PDZD2: variants seen among roughly 807,000 people sequenced by gnomAD.
PDZD2 encodes the protein PDZ domain containing 2.
Under a neutral mutation model 220.7 loss-of-function variants are expected in PDZD2, and 90 were observed. The observed-to-expected ratio is 0.41, with a 90% CI of 0.34 to 0.49. The LOEUF is 0.49. Ranked by LOEUF, PDZD2 falls within the 20% of genes least tolerant of loss-of-function variation. PDZD2 has a pLI of 0.28. For synonymous variants in PDZD2, 1,375 were observed against 1,450.5 expected (o/e 0.95, Z 1.18); for missense variants, 3,174 against 3,608.5 (o/e 0.88, Z 3.08).
chr5:32,041,474 C>G (rs1027047305), intron 7 of PDZD2, among the ~76,000 whole-genome samples: 1 of 152,050 alleles, frequency 6.6e-6, no homozygotes, highest in Non-Finnish European at 1.5e-5. Flanking sequence ...ACATAGGAGA[C>G]TCCATTTTGT....
intron 1 of PDZD2, among the ~76,000 whole-genome samples, chr5:31,773,484 C>CAAAA (rs56843716): frequency 1.6e-4 from 18 of 111,474 alleles, no homozygotes; most frequent in African/African-American, 4.8e-4. Flanking sequence ...ACTAAAAATA[C>CAAAA]AAAAAAAAAA....
chr5:31,941,758 C>T (rs1746232900), intron 2 of PDZD2, among the ~76,000 whole-genome samples: 1 of 152,196 alleles, frequency 6.6e-6, no homozygotes, highest in South Asian at 2.1e-4. Context: ...TCTAATTAGA[C>T]ATTTGTAACG....
chr5:31,748,346 T>C (rs1373077650), intron 1 of PDZD2, among the ~76,000 whole-genome samples: 1 of 152,254 alleles, frequency 6.6e-6, no homozygotes, highest in Non-Finnish European at 1.5e-5. Context: ...AAATTATTTG[T>C]ATGACTATGG....
chr5:31,671,172 C>T (rs1411996897), intron 1 of PDZD2, among the ~76,000 whole-genome samples: 1 of 152,076 alleles, frequency 6.6e-6, no homozygotes, highest in African/African-American at 2.4e-5. Context: ...GGAGGATTCA[C>T]AGAAGTCAGT....
chr5:32,090,018 G>C lies in PDZD2; in HGVS notation c.6570G>C (p.Leu2190=), dbSNP rs760498235. The change falls in exon 20 of 25, where the codon CTG becomes CTC. Residue 2190 remains leucine (L), a synonymous_variant. Coordinates refer to ENST00000438447, the MANE Select transcript of PDZD2 (RefSeq NM_178140.4). The surrounding 1 kb of genome is among the most constrained non-coding windows in gnomAD (Gnocchi z 4.3). ...AATACTCCCAGGGAAAATCAAGCCT[G>C]ATGTCAGACTCCCGAGGGGTGCCCA... ...KAEYSQGKSS[L]MSDSRGVPRN... is the part of the protein sequence containing the mutation. 1.2e-6 allele frequency: 2 copies of C among 1,607,782 alleles called. No homozygotes were observed. The highest frequency in any genetic ancestry group is 1.7e-5 in the Admixed American group (1 of 59,352).
chr5:32,040,616 T>A (rs1756011390), intron 7 of PDZD2, among the ~76,000 whole-genome samples: 1 of 146,880 alleles, frequency 6.8e-6, no homozygotes, highest in African/African-American at 2.5e-5. Context: ...GGAGCGCCTC[T>A]GCCCGGCCGC....
chr5:32,088,032 C>T lies in PDZD2; in HGVS notation c.4584C>T (p.Ser1528=). The T allele has an allele frequency of 6.2e-7, 1 of 1,614,126 alleles. No individual in the cohort carries two copies. The highest frequency in any genetic ancestry group is 8.5e-7 in the Non-Finnish European group (1 of 1,179,960). The change falls in exon 20 of 25, where the codon AGC becomes AGT. Residue 1528 remains serine, a synonymous_variant. Coordinates refer to ENST00000438447, the MANE Select transcript of PDZD2 (RefSeq NM_178140.4). The surrounding 1 kb of genome is among the most constrained non-coding windows in gnomAD (Gnocchi z 4.6). ...NFLSNYSRNF[S]SFHEDSTSLS... ...TGAGCAACTACTCTAGAAATTTTAGCAGTTTTCATGAAGACAGCACCTCCC... is the reference window on the plus strand; with the variant it reads ...TGAGCAACTACTCTAGAAATTTTAGTAGTTTTCATGAAGACAGCACCTCCC...
chr5:31,753,143 A>G (rs1206720908), intron 1 of PDZD2, among the ~76,000 whole-genome samples: 2 of 152,270 alleles, frequency 1.3e-5, no homozygotes, highest in Admixed American at 6.5e-5. Flanking sequence ...GGTGGATAAC[A>G]TAAATAAATG....
rs748782138 is a variant in PDZD2, at chr5:31,869,710, G to A, written c.476+69986G>A. Among the ~76,000 whole-genome samples the A allele has an allele frequency of 5.3e-4, 81 of 152,280 alleles. 1 individual carries two copies. The highest frequency in any genetic ancestry group is 6.8e-3 in the Middle Eastern group (2 of 294). On this transcript the variant is annotated intron_variant, in intron 2 of 24. Coordinates refer to ENST00000438447, the MANE Select transcript of PDZD2 (RefSeq NM_178140.4). Reference sequence around the variant, plus strand: ...TCCCTTGAAGATCCCAAGGTATTACGCCTTTCTTCAGGATGTTCCAGAAAA... The same window carrying A: ...TCCCTTGAAGATCCCAAGGTATTACACCTTTCTTCAGGATGTTCCAGAAAA...
At chr5:31,825,216 A>G (rs1164836061) in intron 2 of PDZD2, among the ~76,000 whole-genome samples, 2 of 152,228 alleles carry the variant, frequency 1.3e-5, no homozygotes, top group Non-Finnish European at 2.9e-5. Context: ...CTGGAACACC[A>G]AACGGAACCA....
chr5:32,060,162 G>C (rs1042673707), intron 13 of PDZD2, among the ~76,000 whole-genome samples: 2 of 150,528 alleles, frequency 1.3e-5, no homozygotes, highest in African/African-American at 4.8e-5. Context: ...TTAATCATTA[G>C]AGTAAATTTC....
intron 16 of PDZD2, 152 bp from the exon 17 acceptor site, chr5:32,072,009 T>G: frequency 1.8e-6 from 1 of 565,374 alleles, no homozygotes; most frequent in Non-Finnish European, 3.1e-6. Context: ...TTAGCCGTTC[T>G]GAGGTACATG....
intron 2 of PDZD2, among the ~76,000 whole-genome samples, chr5:31,857,209 A>G (rs1004165016): frequency 6.6e-6 from 1 of 152,070 alleles, no homozygotes; most frequent in Non-Finnish European, 1.5e-5. Context: ...ACTTATTTCT[A>G]GTTAGCAAGT....
At chr5:31,923,345 C>T in intron 2 of PDZD2, 1 of 931,716 alleles carries the variant, frequency 1.1e-6, no homozygotes, top group Non-Finnish European at 1.8e-6. Flanking sequence ...AGGGGTCCTC[C>T]CTGTGCCACA....
chr5:32,067,615 A>T (rs774456950), intron 14 of PDZD2, among the ~76,000 whole-genome samples: 1 of 152,234 alleles, frequency 6.6e-6, no homozygotes, highest in African/African-American at 2.4e-5. Context: ...TGCCATGCTT[A>T]TCCAAACATT....
chr5:31,965,345 CAT>C (rs1748637196), intron 2 of PDZD2, among the ~76,000 whole-genome samples: 1 of 152,176 alleles, frequency 6.6e-6, no homozygotes. Flanking sequence ...TTTGACCAGA[CAT>C]GTCATTCATG....
In PDZD2 at chr5:31,810,654, A is replaced by G. The variant is rs185272696; in HGVS notation, c.476+10930A>G. Among the ~76,000 whole-genome samples the G allele has an allele frequency of 1.1e-4, 17 of 152,310 alleles. 1 individual carries two copies. In the East Asian group the frequency reaches 3.3e-3, roughly 29 times the overall value. On this transcript the variant is annotated intron_variant, in intron 2 of 24. Transcript: ENST00000438447. ...ACTGTGGAAGCAGAGGCAGGTAACC[A>G]ACTGCAATGAGTAGGTGAGCCGTTC...
intron 10 of PDZD2, among the ~76,000 whole-genome samples, chr5:32,057,382 T>C (rs1316476915): frequency 1.3e-5 from 2 of 152,232 alleles, no homozygotes; most frequent in African/African-American, 4.8e-5. Context: ...ACATCTGTTG[T>C]CAAACTTGGC....
intron 1 of PDZD2, among the ~76,000 whole-genome samples, chr5:31,786,194 T>C (rs1219036746): frequency 2.6e-5 from 4 of 152,174 alleles, no homozygotes; most frequent in African/African-American, 9.7e-5. Flanking sequence ...TTTGGTTTCC[T>C]CTGAGAATTC....
Sources: gnomAD v4.1 joint callset for allele counts (sites outside exome capture counted in the v4.1 genomes callset) on GRCh38, gnomAD v4.1.1 for gene constraint, Gnocchi (gnomAD v3.1) non-coding constraint, MANE v1.5 for transcripts, NCBI Gene and HGNC (gene_info 2026-07-23, HGNC 2026-07-21) for gene names.